WTAP: variants seen among roughly 807,000 people sequenced by gnomAD.
WTAP encodes the protein pre-mRNA-splicing regulator WTAP.
A neutral mutation model predicts 50.0 loss-of-function variants in WTAP; 8 were observed. That is an observed-to-expected ratio of 0.16 (90% CI 0.09 to 0.29). The LOEUF (loss-of-function observed/expected upper bound fraction) is 0.29. WTAP is among the 10% of genes least tolerant of loss of function. WTAP has a pLI of 1.00. For synonymous variants in WTAP, 194 were observed against 169.0 expected (o/e 1.15, Z -1.15); for missense variants, 295 against 470.7 (o/e 0.63, Z 3.45).
chr6:159,735,536 G>A (rs1003742970), intron 1 of WTAP, among the ~76,000 whole-genome samples: 7 of 152,198 alleles, frequency 4.6e-5, no homozygotes, highest in African/African-American at 1.7e-4. Context: ...GGGTTGCAAT[G>A]TCAGGAGTTC....
chr6:159,738,487 A>T lies in WTAP; in HGVS notation c.31-503A>T, dbSNP rs117448071. 6.7e-3 allele frequency among the ~76,000 whole-genome samples: 1,015 copies of T among 152,302 alleles called. 6 individuals are homozygous for T. Among genetic ancestry groups the T allele is most frequent in the South Asian group, 0.015 (72 of 4,828 alleles). On this transcript the variant is annotated intron_variant, in intron 2 of 7. Transcript: ENST00000621533. ...ATGATAGTTCAATCATTTGCCTGTTAAAGGACATTTGGATAGTTTTCAGTT... is the reference window on the plus strand; with the variant it reads ...ATGATAGTTCAATCATTTGCCTGTTTAAGGACATTTGGATAGTTTTCAGTT...
At chr6:159,749,150 A>G in intron 6 of WTAP, 2 of 986,024 alleles carry the variant, frequency 2.0e-6, no homozygotes, top group Non-Finnish European at 2.4e-6. Flanking sequence ...TGAGGACTGT[A>G]CAAACATGAA....
At chr6:159,744,320 A>C (rs1779435725) in intron 5 of WTAP, among the ~76,000 whole-genome samples, 1 of 152,202 alleles carries the variant, frequency 6.6e-6, no homozygotes, top group Non-Finnish European at 1.5e-5. Context: ...CAGCTCTGGT[A>C]GTTTAGGCTC....
At chr6:159,736,208 T>C in intron 1 of WTAP, 50 bp from the exon 2 acceptor site, 1 of 1,563,876 alleles carries the variant, frequency 6.4e-7, no homozygotes, top group Non-Finnish European at 8.7e-7. Flanking sequence ...ATTCCTACTT[T>C]CACTGGAAGA....
chr6:159,737,371 A>G (rs938884010), intron 2 of WTAP, among the ~76,000 whole-genome samples: 4 of 152,200 alleles, frequency 2.6e-5, no homozygotes, highest in Admixed American at 6.5e-5. Context: ...TTACATTATA[A>G]TAGTTCCCTC....
In WTAP at chr6:159,748,044, T is replaced by A; in HGVS notation, c.274-147T>A. 9.3e-7 allele frequency: 1 copy of A among 1,075,704 alleles called. No homozygotes were observed. Among genetic ancestry groups the A allele is most frequent in the Non-Finnish European group, 1.3e-6 (1 of 759,854 alleles). 66.6% of individuals were successfully genotyped at this position (1,075,704 alleles called of 1,614,324 possible). On this transcript the variant is annotated intron_variant, in intron 5 of 7. Coordinates refer to ENST00000621533, the MANE Select transcript of WTAP (RefSeq NM_001270531.2). The surrounding 1 kb of genome is among the most constrained non-coding windows in gnomAD (Gnocchi z 5.6). ...AGTCTGTACTTTTTCTAGAAAGTTT[T>A]AAGATTTTTCTAGAGAATTTCAGGA...
At chr6:159,736,150 A>G in intron 1 of WTAP, 108 bp from the exon 2 acceptor site, 1 of 1,065,142 alleles carries the variant, frequency 9.4e-7, no homozygotes, top group Non-Finnish European at 1.4e-6. Context: ...ATTATTCAAC[A>G]GTAATTTAGT....
intron 6 of WTAP, among the ~76,000 whole-genome samples, chr6:159,752,883 G>A (rs1779872537): frequency 6.6e-6 from 1 of 152,162 alleles, no homozygotes; most frequent in Non-Finnish European, 1.5e-5. Flanking sequence ...GGCACTACAA[G>A]CATGTGTGCC....
intron 1 of WTAP, among the ~76,000 whole-genome samples, chr6:159,735,502 G>A (rs1225347882): frequency 6.6e-6 from 1 of 152,178 alleles, no homozygotes; most frequent in African/African-American, 2.4e-5. Context: ...TGTAATCCCA[G>A]CACTTTGGGA....
At chr6:159,727,983 G>T (rs1365434138) in intron 1 of WTAP, among the ~76,000 whole-genome samples, 1 of 152,272 alleles carries the variant, frequency 6.6e-6, no homozygotes, top group Non-Finnish European at 1.5e-5. Context: ...GCCGGAGGAT[G>T]CCCTCCCCGG....
At chr6:159,736,526 T>C in intron 2 of WTAP, 1 of 400,214 alleles carries the variant, frequency 2.5e-6, no homozygotes, top group Non-Finnish European at 4.4e-6. Flanking sequence ...TTAGTTATAA[T>C]AATATTCCCA....
intron 6 of WTAP, among the ~76,000 whole-genome samples, chr6:159,750,843 T>TA (rs200320488): frequency 1.5e-5 from 1 of 65,694 alleles, no homozygotes; most frequent in Non-Finnish European, 3.9e-5. Context: ...GCTCAGGCAA[T>TA]CCCGTCTGGA....
chr6:159,752,237 C>T (rs1376098278), intron 6 of WTAP, among the ~76,000 whole-genome samples: 1 of 152,084 alleles, frequency 6.6e-6, no homozygotes, highest in Non-Finnish European at 1.5e-5. Context: ...ATGTTTTAAC[C>T]CATAAGGTCA....
chr6:159,733,035 G>A (rs1436454030), intron 1 of WTAP, among the ~76,000 whole-genome samples: 1 of 152,024 alleles, frequency 6.6e-6, no homozygotes, highest in Admixed American at 6.6e-5. Flanking sequence ...GAAGTAGTTA[G>A]ACATGTGGAG....
At position 159,748,352 on chromosome 6, in the gene WTAP, G is replaced by T; in HGVS notation, c.435G>T (p.Trp145Cys). 6.2e-7 allele frequency: 1 copy of T among 1,613,610 alleles called. No individual in the cohort carries two copies. The highest frequency in any genetic ancestry group is 8.5e-7 in the Non-Finnish European group (1 of 1,179,656). The change falls in exon 6 of 8, where the codon TGG becomes TGT. Residue 145 changes from tryptophan to cysteine, a missense_variant. Trp to Cys is a radical substitution (Grantham distance 215). This residue lies in a region of WTAP where 120 missense variants were observed against 287.6 expected (regional missense o/e 0.42). Transcript: ENST00000621533. This position sits in a 1 kb window ranked among gnomAD's most constrained non-coding sequence, Gnocchi z 5.6. ...AAGCCCAAAATGAACTGAGTGCCTG[G>T]AAGTTTACGCCTGATAGGTAAACAA... ...LEQAQNELSAWKFTPDSQTGK... is the reference protein window; with the variant it reads ...LEQAQNELSACKFTPDSQTGK...
chr6:159,754,925 T>C, intron 7 of WTAP, 103 bp from the exon 8 acceptor site: 1 of 1,202,534 alleles, frequency 8.3e-7, no homozygotes, highest in Non-Finnish European at 1.1e-6. Context: ...TGTATTTGTT[T>C]ACTTGAGCGT....
Position 159,738,971 on chromosome 6 carries a change from A to G in WTAP, c.31-19A>G. 12 of 1,595,148 alleles carry G rather than the reference A, an allele frequency of 7.5e-6. No homozygotes were observed. Among genetic ancestry groups the G allele is most frequent in the Non-Finnish European group, 1.0e-5 (12 of 1,165,180 alleles). The stretch of plus-strand genomic sequence containing the variant: ...TCTTCAGGAAGAACACTAAATTCAT[A>G]TTGTAATTCTCTTTATAGGTTCGAT... On this transcript the variant is annotated intron_variant, in intron 2 of 7. Coordinates refer to ENST00000621533, the MANE Select transcript of WTAP (RefSeq NM_001270531.2).
At chr6:159,750,267 A>G (rs1032150512) in intron 6 of WTAP, among the ~76,000 whole-genome samples, 5 of 152,228 alleles carry the variant, frequency 3.3e-5, no homozygotes, top group African/African-American at 1.2e-4. Context: ...GTAGAAGAGT[A>G]ATCCATAAAA....
upstream of WTAP, chr6:159,726,891 G>A: frequency 7.8e-7 from 1 of 1,289,122 alleles, no homozygotes; most frequent in Non-Finnish European, 1.0e-6. Context: ...GCGGCTCGCC[G>A]CCCACGGCCT....
Sources: gnomAD v4.1 joint callset for allele counts (sites outside exome capture counted in the v4.1 genomes callset) on GRCh38, gnomAD v4.1.1 for gene constraint, gnomAD v4.1.1 regional missense constraint, Gnocchi (gnomAD v3.1) non-coding constraint, MANE v1.5 for transcripts, NCBI Gene and HGNC (gene_info 2026-07-23, HGNC 2026-07-21) for gene names.